Variants in MID1 observed in about 807,000 individuals in gnomAD.
MID1 encodes the protein E3 ubiquitin-protein ligase Midline-1.
A neutral mutation model predicts 40.4 loss-of-function variants in MID1; 7 were observed. The observed-to-expected ratio is 0.17, with a 90% CI of 0.10 to 0.33. MID1 has a LOEUF of 0.33. MID1 is among the 10% of genes least tolerant of loss of function. The probability of loss-of-function intolerance (pLI) is 1.00; values close to 1 mark genes in which losing one functional copy is unlikely to be tolerated. For synonymous variants in MID1, 229 were observed against 221.2 expected, an observed-to-expected ratio of 1.04 and a Z score of -0.31; for missense variants, 367 against 558.5, an observed-to-expected ratio of 0.66 and a Z score of 3.46.
intron 1 of MID1, among the ~76,000 whole-genome samples, chrX:10,780,401 A>C (rs2043837335): frequency 8.9e-6 from 1 of 111,733 alleles, no homozygotes; most frequent in South Asian, 3.8e-4. Context: ...ATTTCTATCC[A>C]TCACCAGGGC....
At chrX:10,630,562 G>C (rs1378170981) in intron 1 of MID1, among the ~76,000 whole-genome samples, 1 of 110,631 alleles carries the variant, frequency 9.0e-6, no homozygotes, top group Non-Finnish European at 1.9e-5. Context: ...GGTTGTGGGT[G>C]GGTGTTGGTG....
intron 3 of MID1, among the ~76,000 whole-genome samples, chrX:10,502,844 T>C (rs1931626374): frequency 8.9e-6 from 1 of 112,119 alleles, no homozygotes; most frequent in Non-Finnish European, 1.9e-5. Flanking sequence ...GTTCTTGTTA[T>C]TGTTTAGACT....
At chrX:10,820,302 G>A (rs1193838065) in intron 1 of MID1, among the ~76,000 whole-genome samples, 1 of 111,977 alleles carries the variant, frequency 8.9e-6, no homozygotes, top group Admixed American at 9.5e-5. Context: ...TACAGCCAGT[G>A]AGCAAACAAC....
chrX:10,816,157 G>C (rs982974778), intron 1 of MID1, among the ~76,000 whole-genome samples: 31 of 111,899 alleles, frequency 2.8e-4, no homozygotes, highest in African/African-American at 9.4e-4. Context: ...AGAAAAGTAA[G>C]TCATAGTTTT....
intron 1 of MID1, among the ~76,000 whole-genome samples, chrX:10,798,458 C>A (rs112596134): frequency 0.062 from 6,953 of 111,947 alleles, 554 homozygotes; most frequent in African/African-American, 0.22. Context: ...AATCCTTTAA[C>A]TGTTATTGAT....
chrX:10,739,873 T>C (rs969720487), intron 1 of MID1, among the ~76,000 whole-genome samples: 2 of 112,401 alleles, frequency 1.8e-5, no homozygotes, highest in African/African-American at 6.5e-5. Context: ...TGTGAGCATG[T>C]AGCCACAACA....
intron 1 of MID1, among the ~76,000 whole-genome samples, chrX:10,756,646 A>G (rs1168596949): frequency 9.0e-6 from 1 of 111,447 alleles, no homozygotes; most frequent in African/African-American, 3.3e-5. Flanking sequence ...ATAGACACAC[A>G]CTCAAACACA....
chrX:10,586,160 T>C (rs1935137548), intron 1 of MID1, among the ~76,000 whole-genome samples: 1 of 111,730 alleles, frequency 9.0e-6, no homozygotes, highest in South Asian at 3.8e-4. Context: ...TGTAAAATAA[T>C]AGGACTGTAG....
chrX:10,788,895 C>T (rs2043906543), intron 1 of MID1, among the ~76,000 whole-genome samples: 1 of 112,315 alleles, frequency 8.9e-6, no homozygotes. Flanking sequence ...TTTTGGGAGG[C>T]CGAGGCGGGA....
At chrX:10,754,777 A>G (rs142824430) in intron 1 of MID1, among the ~76,000 whole-genome samples, 75 of 111,894 alleles carry the variant, frequency 6.7e-4, no homozygotes, top group African/African-American at 2.3e-3. Context: ...GAAAGTTCAC[A>G]TTACCTCAAG....
At chrX:10,751,008 T>C (rs930105055) in intron 1 of MID1, among the ~76,000 whole-genome samples, 1 of 111,529 alleles carries the variant, frequency 9.0e-6, no homozygotes, top group Non-Finnish European at 1.9e-5. Flanking sequence ...CTCATTCCTA[T>C]AATCCCAGCA....
chrX:10,781,895 T>C (rs1306555748), intron 1 of MID1, among the ~76,000 whole-genome samples: 5 of 112,470 alleles, frequency 4.4e-5, no homozygotes, highest in African/African-American at 1.6e-4. Context: ...CCTAATACAG[T>C]ACATTGGATT....
intron 7 of MID1, among the ~76,000 whole-genome samples, chrX:10,467,469 C>T (rs1185012186): frequency 8.9e-6 from 1 of 111,787 alleles, no homozygotes; most frequent in African/African-American, 3.3e-5. Flanking sequence ...ATGGGCCAGA[C>T]GCAGAGAAGT....
At chrX:10,766,336 C>T (rs776578115) in intron 1 of MID1, among the ~76,000 whole-genome samples, 1 of 111,318 alleles carries the variant, frequency 9.0e-6, no homozygotes, top group African/African-American at 3.3e-5. Flanking sequence ...GGATAATCGC[C>T]AAGCCTGGCC....
intron 1 of MID1, chrX:10,582,848 T>C (rs1335163129): frequency 8.9e-6 from 1 of 112,102 alleles, no homozygotes; most frequent in Non-Finnish European, 1.9e-5. Flanking sequence ...AGACTAAAAC[T>C]GGAATGATAC....
intron 1 of MID1, among the ~76,000 whole-genome samples, chrX:10,789,020 C>T (rs1305734977): frequency 9.5e-6 from 1 of 105,670 alleles, no homozygotes. Flanking sequence ...ACAAAGCAAA[C>T]ACAAAACAAA....
chrX:10,456,577 C>T (rs1928683042), intron 8 of MID1, among the ~76,000 whole-genome samples: 1 of 112,594 alleles, frequency 8.9e-6, no homozygotes, highest in Admixed American at 9.4e-5. Context: ...TGGCTCATGC[C>T]TGTAATGCCT....
chrX:10,609,874 T>C (rs113661793), intron 1 of MID1, among the ~76,000 whole-genome samples: 4,694 of 109,965 alleles, frequency 0.043, 96 homozygotes, highest in African/African-American at 0.075. Flanking sequence ...CCCGCCACCA[T>C]GCCCGGCTAA....
At chrX:10,789,794 T>C (rs2043916098) in intron 1 of MID1, among the ~76,000 whole-genome samples, 1 of 111,877 alleles carries the variant, frequency 8.9e-6, no homozygotes, top group Admixed American at 9.4e-5. Flanking sequence ...AACGAGTTCA[T>C]CATTCTTCTG....
Sources: allele counts gnomAD v4.1 joint callset (sites outside exome capture counted in the v4.1 genomes callset), GRCh38; gene constraint gnomAD v4.1.1; transcripts MANE v1.5; gene names NCBI Gene and HGNC (gene_info 2026-07-23, HGNC 2026-07-21).